Variants in DCUN1D2 observed in about 807,000 individuals in gnomAD.
The protein encoded by DCUN1D2 is defective in cullin neddylation 1 domain containing 2, also known as DCN1-like protein 2.
A neutral mutation model predicts 30.9 loss-of-function variants in DCUN1D2; 29 were observed. The ratio of observed to expected loss-of-function variants is 0.94; its 90% CI spans 0.70 to 1.28. The LOEUF is 1.28. Among genes scored for constraint, DCUN1D2 ranks in the 50% most tolerant of loss-of-function variants. The probability of loss-of-function intolerance (pLI) is 0.00; values close to 1 mark genes in which losing one functional copy is unlikely to be tolerated. For synonymous variants in DCUN1D2, 121 were observed against 115.3 expected (o/e 1.05, Z -0.32); for missense variants, 325 against 316.9 (o/e 1.03, Z -0.19).
At chr13:113,462,893 T>C in intron 4 of DCUN1D2, 1 of 1,251,836 alleles carries the variant, frequency 8.0e-7, no homozygotes, top group Admixed American at 2.7e-5. Flanking sequence ...GAGGTGAACC[T>C]GGGGAGGAAA....
In DCUN1D2 at chr13:113,456,887, G is replaced by GTAGT. The variant is rs2044235407; in HGVS notation, c.*1141_*1142insACTA. The GTAGT allele has an allele frequency of 6.6e-6, 1 of 151,988 alleles. No individual in the cohort carries two copies. The allele number at this position is 151,988 out of a possible 1,614,324, so 9.4% of individuals were successfully genotyped here. ...ATTCGGTTTTATTGTATGTATGTAT[G>GTAGT]TATTTATTTTGAGACAGAATCTCAC... On this transcript the variant is annotated 3_prime_UTR_variant, in exon 7 of 7. Coordinates refer to ENST00000478244, the MANE Select transcript of DCUN1D2 (RefSeq NM_001014283.2).
Position 113,457,358 on chromosome 13 carries a change from C to T in DCUN1D2, c.*671G>A, listed in dbSNP as rs2044242458. On this transcript the variant is annotated 3_prime_UTR_variant, in exon 7 of 7. Transcript: ENST00000478244. ...ATATATAAACGGTGTGAGATAAACT[C>T]TGCTGGAATCGTGCCACGTGTGCCG... is the stretch of plus-strand genomic sequence containing the variant. The T allele has an allele frequency of 6.6e-6, 1 of 152,192 alleles. No individual in the cohort carries two copies. Among genetic ancestry groups the T allele is most frequent in the South Asian group, 2.1e-4 (1 of 4,836 alleles). 9.4% of individuals were successfully genotyped at this position (152,192 alleles called of 1,614,324 possible).
At chr13:113,476,744 T>C (rs1402809016) in intron 3 of DCUN1D2, among the ~76,000 whole-genome samples, 1 of 152,196 alleles carries the variant, frequency 6.6e-6, no homozygotes, top group African/African-American at 2.4e-5. Flanking sequence ...ATAAAAGACA[T>C]TTTCCTACAT....
At chr13:113,460,617 G>C (rs1425164755) in intron 5 of DCUN1D2, among the ~76,000 whole-genome samples, 2 of 152,250 alleles carry the variant, frequency 1.3e-5, no homozygotes, top group Non-Finnish European at 2.9e-5. Context: ...GACACACACA[G>C]AGGCTGGGCA....
intron 1 of DCUN1D2, among the ~76,000 whole-genome samples, chr13:113,485,933 C>T (rs770718781): frequency 3.0e-4 from 45 of 152,154 alleles, no homozygotes; most frequent in Middle Eastern, 3.4e-3. Context: ...ACGCGAGATT[C>T]GAGAGCCTAT....
chr13:113,461,634 C>A (rs754707100), intron 4 of DCUN1D2, among the ~76,000 whole-genome samples: 1 of 152,214 alleles, frequency 6.6e-6, no homozygotes, highest in African/African-American at 2.4e-5. Flanking sequence ...CTTATGAGGG[C>A]TCCAATTTGT....
chr13:113,487,488 C>G (rs866059251), intron 1 of DCUN1D2, among the ~76,000 whole-genome samples: 3 of 152,328 alleles, frequency 2.0e-5, no homozygotes, highest in African/African-American at 7.2e-5. Flanking sequence ...TCCATCCACA[C>G]AGCGCACGAC....
chr13:113,458,891 G>A (rs974493844), intron 6 of DCUN1D2, among the ~76,000 whole-genome samples: 13 of 152,316 alleles, frequency 8.5e-5, no homozygotes, highest in Admixed American at 2.0e-4. Context: ...GCCCTCCAAC[G>A]CAGAGTCCTA....
chr13:113,460,568 A>C (rs998973474), intron 5 of DCUN1D2, among the ~76,000 whole-genome samples: 3 of 152,198 alleles, frequency 2.0e-5, no homozygotes, highest in Admixed American at 6.5e-5. Context: ...TTTCCTCCTG[A>C]GCATGGTGAG....
intron 5 of DCUN1D2, among the ~76,000 whole-genome samples, chr13:113,460,377 A>T (rs9577275): frequency 0.15 from 23,393 of 152,188 alleles, 2,029 homozygotes; most frequent in Middle Eastern, 0.29. Flanking sequence ...GTGGAAGACC[A>T]CTTCTTTCAC....
intron 4 of DCUN1D2, among the ~76,000 whole-genome samples, chr13:113,464,258 C>T (rs1195189944): frequency 1.3e-5 from 2 of 152,208 alleles, no homozygotes; most frequent in Non-Finnish European, 1.5e-5. Flanking sequence ...TAAGTATCTA[C>T]AGGAGTAAAC....
intron 2 of DCUN1D2, among the ~76,000 whole-genome samples, chr13:113,481,371 G>T (rs140999020): frequency 2.0e-5 from 3 of 152,116 alleles, no homozygotes; most frequent in African/African-American, 7.2e-5. Context: ...ATATATTTAA[G>T]GCATCCCAGC....
rs2044925603 is a variant in DCUN1D2 at position 113,490,278 on chromosome 13, T to A, written c.3+389A>T. Among the ~76,000 whole-genome samples, 1 of 152,190 alleles carries A rather than the reference T, an allele frequency of 6.6e-6. No individual in the cohort carries two copies. The highest frequency in any genetic ancestry group is 6.5e-5 in the Admixed American group (1 of 15,292). On this transcript the variant is annotated intron_variant, in intron 1 of 6. Transcript: ENST00000478244. The surrounding 1 kb of genome is among the most constrained non-coding windows in gnomAD (Gnocchi z 5.2). ...GCTGTTTTGGTCAACAGCCTCAGCA[T>A]CTGCACAGACGCCCGCAGGAGCAGC... is the stretch of plus-strand genomic sequence containing the variant.
chr13:113,483,915 CTGGGTTTTGGAAGAAG>C lies in DCUN1D2; in HGVS notation c.129_144del (p.Ser43ArgfsTer46). On this transcript the variant is annotated frameshift_variant, in exon 2 of 7. Coordinates refer to ENST00000478244, the MANE Select transcript of DCUN1D2 (RefSeq NM_001014283.2). LOFTEE classifies it high-confidence loss of function. Reference sequence around the variant, plus strand: ...CGCATGGACTCCCTGTGGAGCGAGTCTGGGTTTTGGAAGAAGCTGTCCGTGGCCTCGTCTAGTCTCC... The same window carrying C: ...CGCATGGACTCCCTGTGGAGCGAGTCCTGTCCGTGGCCTCGTCTAGTCTCC... 6.2e-7 allele frequency: 1 copy of C among 1,613,992 alleles called. No homozygotes were observed. The highest frequency in any genetic ancestry group is 2.2e-5 in the East Asian group (1 of 44,886).
intron 4 of DCUN1D2, among the ~76,000 whole-genome samples, chr13:113,465,509 A>C (rs866458177): frequency 1.2e-4 from 18 of 151,634 alleles, no homozygotes; most frequent in East Asian, 1.9e-4. Flanking sequence ...TAAAAAAAAA[A>C]AAACAAACAA....
chr13:113,479,618 G>C (rs766813082), intron 3 of DCUN1D2, among the ~76,000 whole-genome samples: 1 of 152,012 alleles, frequency 6.6e-6, no homozygotes, highest in African/African-American at 2.4e-5. Flanking sequence ...AAAATTAGCC[G>C]GGCATGAGGC....
intron 2 of DCUN1D2, among the ~76,000 whole-genome samples, chr13:113,481,543 AC>A (rs2044707307): frequency 6.6e-6 from 1 of 152,338 alleles, no homozygotes; most frequent in South Asian, 2.1e-4. Flanking sequence ...ACAAAATTTA[AC>A]TTTGGTCATT....
At chr13:113,464,311 T>C (rs1379580619) in intron 4 of DCUN1D2, among the ~76,000 whole-genome samples, 1 of 152,214 alleles carries the variant, frequency 6.6e-6, no homozygotes, top group Non-Finnish European at 1.5e-5. Flanking sequence ...AAACTATAAA[T>C]CTGTTGCAGC....
chr13:113,482,771 C>G (rs1423051437), intron 2 of DCUN1D2, among the ~76,000 whole-genome samples: 1 of 152,078 alleles, frequency 6.6e-6, no homozygotes, highest in Non-Finnish European at 1.5e-5. Flanking sequence ...GGTGAAACCC[C>G]GTCTCTACTA....
Sources: allele counts gnomAD v4.1 joint callset (sites outside exome capture counted in the v4.1 genomes callset), GRCh38; gene constraint gnomAD v4.1.1; non-coding constraint Gnocchi (gnomAD v3.1); transcripts MANE v1.5; gene names NCBI Gene and HGNC (gene_info 2026-07-23, HGNC 2026-07-21).